SLC14A2: variants seen among roughly 807,000 people sequenced by gnomAD.
SLC14A2 encodes urea transporter 2.
In SLC14A2, 91 loss-of-function variants were observed where a neutral mutation model predicts 104.6. That is an observed-to-expected ratio of 0.87 (90% CI 0.73 to 1.04). The LOEUF (loss-of-function observed/expected upper bound fraction) is 1.04. Among genes scored for constraint, SLC14A2 ranks in the 50% least tolerant of loss-of-function variants. SLC14A2 has a pLI of 0.00. For missense variants in SLC14A2, 1,189 were observed against 1,156.0 expected (o/e 1.03, Z -0.41); for synonymous variants, 476 against 466.4 (o/e 1.02, Z -0.27).
chr18:45,576,175 T>C (rs1236414799), intron 2 of SLC14A2, among the ~76,000 whole-genome samples: 1 of 151,928 alleles, frequency 6.6e-6, no homozygotes, highest in Non-Finnish European at 1.5e-5. Flanking sequence ...AGTATGATTG[T>C]CTCTCCTGGT....
At chr18:45,284,311 T>G (rs945833167) in intron 1 of SLC14A2, among the ~76,000 whole-genome samples, 4 of 152,156 alleles carry the variant, frequency 2.6e-5, no homozygotes, top group Non-Finnish European at 5.9e-5. Context: ...TTTCCCAGAT[T>G]TCCATGACAT....
At chr18:45,271,212 A>C (rs773383572) in intron 1 of SLC14A2, among the ~76,000 whole-genome samples, 1 of 152,170 alleles carries the variant, frequency 6.6e-6, no homozygotes, top group Admixed American at 6.6e-5. Flanking sequence ...TATCTGAGCA[A>C]GTAATGCTTG....
In SLC14A2 at chr18:45,270,597, G is replaced by T. The variant is rs1470027953; in HGVS notation, c.-125+57406G>T. ...TGGGACCAGAACCCAGTTGTGCTTA[G>T]TTCCTGCAATAAGCTGTTAGCTTGT... On this transcript the variant is annotated intron_variant, in intron 1 of 20. Coordinates refer to the SLC14A2 transcript ENST00000586448. 5.9e-5 allele frequency among the ~76,000 whole-genome samples: 9 copies of T among 152,112 alleles called. No individual in the cohort carries two copies. In the East Asian group the frequency reaches 1.2e-3, roughly 20 times the overall value.
At chr18:45,535,403 T>C (rs2043764900) in intron 2 of SLC14A2, among the ~76,000 whole-genome samples, 1 of 152,232 alleles carries the variant, frequency 6.6e-6, no homozygotes, top group Non-Finnish European at 1.5e-5. Context: ...AGTTAAGGAA[T>C]GAAGGTTCAC....
At chr18:45,327,482 A>T (rs1003139879) in intron 1 of SLC14A2, among the ~76,000 whole-genome samples, 1 of 152,034 alleles carries the variant, frequency 6.6e-6, no homozygotes, top group South Asian at 2.1e-4. Context: ...CATCATCCCA[A>T]ACAGAAACCG....
At chr18:45,190,687 G>T in the SLC14A2 span, among the ~76,000 whole-genome samples, 1 of 152,158 alleles carries the variant, frequency 6.6e-6, no homozygotes, top group Non-Finnish European at 1.5e-5. Context: ...CCCATGACAC[G>T]AAGTCTACCC....
intron 1 of SLC14A2, among the ~76,000 whole-genome samples, chr18:45,239,987 C>G (rs7242573): frequency 0.019 from 2,887 of 151,210 alleles, 75 homozygotes; most frequent in African/African-American, 0.066. Context: ...AATTGTGTAT[C>G]TATACCGCAT....
chr18:45,515,528 A>G (rs2043426507), intron 2 of SLC14A2: 1 of 152,360 alleles, frequency 6.6e-6, no homozygotes, highest in Admixed American at 6.5e-5. Flanking sequence ...ATGCTCTGAG[A>G]AAGAAGAGAT....
At chr18:45,533,177 T>C (rs1199548117) in intron 2 of SLC14A2, among the ~76,000 whole-genome samples, 32 of 152,246 alleles carry the variant, frequency 2.1e-4, no homozygotes, top group Non-Finnish European at 1.2e-4. Context: ...GTTGTGTCTC[T>C]GCCAAGCTTT....
At chr18:45,325,462 G>A (rs2085225563) in intron 1 of SLC14A2, among the ~76,000 whole-genome samples, 1 of 152,132 alleles carries the variant, frequency 6.6e-6, no homozygotes, top group South Asian at 2.1e-4. Flanking sequence ...CTCTCCCTAG[G>A]AGAAACTCAA....
chr18:45,572,195 C>G (rs767117509), intron 2 of SLC14A2, among the ~76,000 whole-genome samples: 1 of 152,216 alleles, frequency 6.6e-6, no homozygotes, highest in Non-Finnish European at 1.5e-5. Context: ...TGCATTTAGA[C>G]TGGCTCCATT....
At chr18:45,596,958 T>C (rs998809713) in intron 2 of SLC14A2, among the ~76,000 whole-genome samples, 1 of 152,198 alleles carries the variant, frequency 6.6e-6, no homozygotes. Flanking sequence ...GCTTCTATGA[T>C]GTCCCATCCC....
At chr18:45,395,988 T>C (rs1031976162) in intron 1 of SLC14A2, among the ~76,000 whole-genome samples, 1 of 152,178 alleles carries the variant, frequency 6.6e-6, no homozygotes, top group African/African-American at 2.4e-5. Flanking sequence ...CTGAACACTA[T>C]ACTACTAATT....
intron 1 of SLC14A2, among the ~76,000 whole-genome samples, chr18:45,308,979 C>A (rs575254853): frequency 1.3e-5 from 2 of 152,180 alleles, no homozygotes; most frequent in African/African-American, 2.4e-5. Flanking sequence ...TAGGAGGGAC[C>A]CAGGCGTCCG....
chr18:45,210,234 T>C (rs886960034), upstream of SLC14A2, among the ~76,000 whole-genome samples: 1 of 152,180 alleles, frequency 6.6e-6, no homozygotes, highest in South Asian at 2.1e-4. Flanking sequence ...TCTCCAACAC[T>C]GTGTACAGAT....
intron 1 of SLC14A2, among the ~76,000 whole-genome samples, chr18:45,239,623 T>G (rs955757374): frequency 6.6e-6 from 1 of 152,124 alleles, no homozygotes; most frequent in African/African-American, 2.4e-5. Flanking sequence ...CAAAAACACA[T>G]GCGGAGGGTG....
Position 45,637,070 on chromosome 18 carries a change from T to C in SLC14A2, c.731T>C (p.Val244Ala), listed in dbSNP as rs1464740953. The C allele has an allele frequency of 6.2e-7, 1 of 1,614,200 alleles. No homozygotes were observed. Among genetic ancestry groups the C allele is most frequent in the Non-Finnish European group, 8.5e-7 (1 of 1,180,002 alleles). Residue 244 changes from valine to alanine, a missense_variant, in exon 6 of 20, where the codon GTC becomes GCC. Physicochemically the swap from Val to Ala is moderately conservative, Grantham distance 64. Transcript: ENST00000255226. ...PVFTLPFNIA[V>A]TLYLAATGHY... ...TTCACTCTGCCCTTCAACATTGCAG[T>C]CACCTTGTACCTTGCAGCCACAGGC... is the stretch of plus-strand genomic sequence containing the variant.
chr18:45,535,922 CA>C (rs1303334943), intron 2 of SLC14A2, among the ~76,000 whole-genome samples: 1 of 152,084 alleles, frequency 6.6e-6, no homozygotes, highest in African/African-American at 2.4e-5. Flanking sequence ...GACATTTAAT[CA>C]AAGGAACAAC....
rs147493092 is a variant in SLC14A2, at chr18:45,402,042, C to T, written c.-124-81191C>T. ...AGTTGCTTTGTAAAATCTGCCGAAG[C>T]TTCCCCTCCTACCAGGAAGCCAAAT... On this transcript the variant is annotated intron_variant, in intron 1 of 20. Transcript: ENST00000586448. 9.9e-4 allele frequency among the ~76,000 whole-genome samples: 151 copies of T among 152,268 alleles called. 1 individual carries two copies. In the East Asian group the frequency reaches 0.026, roughly 26 times the overall value.
Sources: allele counts gnomAD v4.1 joint callset (sites outside exome capture counted in the v4.1 genomes callset), GRCh38; gene constraint gnomAD v4.1.1; transcripts MANE v1.5; gene names NCBI Gene and HGNC (gene_info 2026-07-23, HGNC 2026-07-21).